BLM: variants seen among roughly 807,000 people sequenced by gnomAD.
BLM encodes recQ-like DNA helicase BLM.
In BLM, 95 loss-of-function variants were observed where a neutral mutation model predicts 135.3. That is an observed-to-expected ratio of 0.70 (90% CI 0.59 to 0.83). BLM has a LOEUF of 0.83. Among genes scored for constraint, BLM ranks in the 40% least tolerant of loss-of-function variants. The probability of loss-of-function intolerance (pLI) is 0.00; values close to 1 mark genes in which losing one functional copy is unlikely to be tolerated. For synonymous variants in BLM, 520 were observed against 589.2 expected (o/e 0.88, Z 1.70); for missense variants, 1,518 against 1,663.9 (o/e 0.91, Z 1.53).
At chr15:90,768,237 C>G (rs573671938) in intron 10 of BLM, among the ~76,000 whole-genome samples, 17 of 152,244 alleles carry the variant, frequency 1.1e-4, no homozygotes, top group Admixed American at 3.3e-4. Context: ...GCCACTGTGC[C>G]CAGCCCACAT....
At chr15:90,811,148 A>T in intron 20 of BLM, 57 bp from the exon 21 acceptor site, 1 of 1,584,642 alleles carries the variant, frequency 6.3e-7, no homozygotes, top group East Asian at 2.2e-5. Context: ...CATATACACT[A>T]AAAACACGTG....
intron 1 of BLM, among the ~76,000 whole-genome samples, chr15:90,722,679 T>C (rs1004876226): frequency 6.6e-6 from 1 of 152,172 alleles, no homozygotes; most frequent in African/African-American, 2.4e-5. Context: ...ATAAAAATTA[T>C]ATTGTATTCA....
At chr15:90,750,294 A>T (rs1193679807) in intron 3 of BLM, among the ~76,000 whole-genome samples, 1 of 152,170 alleles carries the variant, frequency 6.6e-6, no homozygotes. Flanking sequence ...CTGTGATTTT[A>T]TACATGAAGA....
intron 4 of BLM, 130 bp from the exon 5 acceptor site, chr15:90,754,681 T>TA (rs781367846): frequency 1.6e-5 from 18 of 1,115,110 alleles, no homozygotes; most frequent in Non-Finnish European, 2.3e-5. Flanking sequence ...TGAGGAAATT[T>TA]AAAAAACTAC....
intron 1 of BLM, among the ~76,000 whole-genome samples, chr15:90,731,731 T>C (rs992579637): frequency 5.3e-5 from 8 of 152,150 alleles, no homozygotes; most frequent in Admixed American, 6.5e-5. Context: ...TTCAATCTCT[T>C]CTTTTTTGTC....
At chr15:90,720,813 C>T (rs1198558827) in intron 1 of BLM, among the ~76,000 whole-genome samples, 2 of 152,020 alleles carry the variant, frequency 1.3e-5, no homozygotes, top group African/African-American at 2.4e-5. Context: ...AGGCTGATCT[C>T]GAACTCGTAG....
chr15:90,743,881 G>A (rs1383116940), intron 1 of BLM, among the ~76,000 whole-genome samples: 4 of 152,144 alleles, frequency 2.6e-5, no homozygotes, highest in African/African-American at 4.8e-5. Context: ...GTGCTACCTC[G>A]TGAGGAATAA....
chr15:90,777,302 C>T (rs1896505059), intron 12 of BLM, among the ~76,000 whole-genome samples: 1 of 152,144 alleles, frequency 6.6e-6, no homozygotes, highest in South Asian at 2.1e-4. Flanking sequence ...CAGGCGCCCG[C>T]CACCATGCCC....
At chr15:90,749,241 G>T in intron 2 of BLM, 126 bp from the exon 3 acceptor site, 1 of 678,606 alleles carries the variant, frequency 1.5e-6, no homozygotes, top group Non-Finnish European at 2.5e-6. Flanking sequence ...GAGAGAGATG[G>T]ATTCTTTGCT....
intron 9 of BLM, 67 bp downstream of exon 9, chr15:90,765,481 C>G (rs757015160): frequency 2.4e-6 from 3 of 1,238,752 alleles, no homozygotes; most frequent in Non-Finnish European, 3.5e-6. Flanking sequence ...TCTGGATAAC[C>G]TTTTTATTAA....
At chr15:90,787,247 G>T (rs1437533052) in intron 14 of BLM, among the ~76,000 whole-genome samples, 1 of 151,484 alleles carries the variant, frequency 6.6e-6, no homozygotes, top group Non-Finnish European at 1.5e-5. Context: ...AGAGACGAGG[G>T]TTTCACCACG....
At chr15:90,759,044 T>C (rs918753870) in intron 5 of BLM, among the ~76,000 whole-genome samples, 2 of 152,168 alleles carry the variant, frequency 1.3e-5, no homozygotes, top group African/African-American at 4.8e-5. Context: ...AATAAAATCA[T>C]AGTTAACTGA....
chr15:90,747,337 G>C (rs1403934687), intron 1 of BLM, 52 bp from the exon 2 acceptor site: 1 of 1,360,470 alleles, frequency 7.4e-7, no homozygotes, highest in South Asian at 1.2e-5. Context: ...AAAACATTGT[G>C]ATTAATGCAA....
intron 3 of BLM, among the ~76,000 whole-genome samples, chr15:90,750,916 A>G (rs1567036146): frequency 6.6e-6 from 1 of 152,212 alleles, no homozygotes; most frequent in Non-Finnish European, 1.5e-5. Flanking sequence ...TCCTGAAGAT[A>G]AGGGGGTTGC....
At chr15:90,723,432 T>C (rs182305798) in intron 1 of BLM, among the ~76,000 whole-genome samples, 67 of 151,816 alleles carry the variant, frequency 4.4e-4, no homozygotes, top group African/African-American at 1.6e-3. Flanking sequence ...GGAAGCAAGA[T>C]CTCTTGAGGC....
At chr15:90,804,035 C>A in intron 18 of BLM, 132 bp from the exon 19 acceptor site, 2 of 838,974 alleles carry the variant, frequency 2.4e-6, no homozygotes, top group South Asian at 1.6e-5. Context: ...AGCCCCTGTT[C>A]CCAGTGGGCT....
chr15:90,802,477 G>A (rs1897186986), intron 17 of BLM, among the ~76,000 whole-genome samples: 1 of 152,156 alleles, frequency 6.6e-6, no homozygotes, highest in Admixed American at 6.5e-5. Flanking sequence ...ACATATTCCT[G>A]TCTTCATCTC....
intron 3 of BLM, 105 bp from the exon 4 acceptor site, chr15:90,751,682 T>G: frequency 1.1e-6 from 1 of 911,878 alleles, no homozygotes; most frequent in Non-Finnish European, 1.8e-6. Flanking sequence ...AGTGGTGTGA[T>G]TGTTTGTGAC....
Position 90,809,270 on chromosome 15 carries a change from A to C in BLM, c.3874+11A>C. 6.2e-7 allele frequency: 1 copy of C among 1,614,190 alleles called. No homozygotes were observed. The highest frequency in any genetic ancestry group is 8.5e-7 in the Non-Finnish European group (1 of 1,180,022). On this transcript the variant is annotated intron_variant, in intron 20 of 21. Transcript: ENST00000355112. ...AATGGACATCGCCAGGTTAGTACAC[A>C]GCCATGTGTGTTCTCTAAAAGCCTG...
Sources: allele counts gnomAD v4.1 joint callset (sites outside exome capture counted in the v4.1 genomes callset), GRCh38; gene constraint gnomAD v4.1.1; transcripts MANE v1.5; gene names NCBI Gene and HGNC (gene_info 2026-07-23, HGNC 2026-07-21).